IFT43: variants seen among roughly 807,000 people sequenced by gnomAD.
IFT43 encodes intraflagellar transport protein 43 homolog.
In IFT43, 33 loss-of-function variants were observed where a neutral mutation model predicts 32.3. The observed-to-expected ratio is 1.02, with a 90% CI of 0.77 to 1.37. The LOEUF (loss-of-function observed/expected upper bound fraction) is 1.37, where lower values mean the gene tolerates loss of function less well. IFT43 is among the 40% of genes most tolerant of loss of function. The pLI is 0.00. For synonymous variants in IFT43, 93 were observed against 98.2 expected (o/e 0.95, Z 0.31); for missense variants, 274 against 265.9 (o/e 1.03, Z -0.21).
In IFT43 at chr14:76,001,141, A is replaced by G. The variant is rs2035877451; in HGVS notation, c.147+12164A>G. 1.3e-5 allele frequency among the ~76,000 whole-genome samples: 2 copies of G among 152,236 alleles called. 1 individual carries two copies. The highest frequency in any genetic ancestry group is 1.3e-4 in the Admixed American group (2 of 15,284). Reference sequence around the variant, plus strand: ...AGAGAAGCAGTATGATTGGATTTGCATCTTAGAAAGAACACTTTGGCAACA... The same window carrying G: ...AGAGAAGCAGTATGATTGGATTTGCGTCTTAGAAAGAACACTTTGGCAACA... On this transcript the variant is annotated intron_variant, in intron 2 of 8. Transcript: ENST00000314067.
chr14:76,084,062 C>T (rs748951827), downstream of IFT43: 7 of 444,234 alleles, frequency 1.6e-5, no homozygotes, highest in East Asian at 7.0e-5. Flanking sequence ...GAGGAGGCGG[C>T]GGGAGGGATA....
chr14:76,055,154 G>A (rs2140042606), intron 3 of IFT43, among the ~76,000 whole-genome samples: 1 of 152,186 alleles, frequency 6.6e-6, no homozygotes, highest in Middle Eastern at 3.4e-3. Flanking sequence ...GAACAGCCTG[G>A]ACAATACAGT....
At chr14:76,040,088 G>A (rs1842149037) in intron 3 of IFT43, among the ~76,000 whole-genome samples, 1 of 152,158 alleles carries the variant, frequency 6.6e-6, no homozygotes, top group Admixed American at 6.5e-5. Context: ...GAGTAGCTGG[G>A]ACTGCAGGTG....
At chr14:76,076,607 A>G (rs767584943) in intron 5 of IFT43, 12 of 1,614,070 alleles carry the variant, frequency 7.4e-6, no homozygotes, top group Admixed American at 1.7e-5. Context: ...CGGTACCCAA[A>G]CAGGCAAACA....
chr14:76,075,857 C>A (rs1194590465), intron 5 of IFT43, among the ~76,000 whole-genome samples: 1 of 152,216 alleles, frequency 6.6e-6, no homozygotes, highest in Non-Finnish European at 1.5e-5. Context: ...TTCAGTAAAA[C>A]AAAGTTTTGT....
chr14:75,985,825 C>T lies in IFT43; in HGVS notation c.39C>T (p.Tyr13=), dbSNP rs748356153. Residue 13 remains tyrosine (Y), a synonymous_variant, in exon 1 of 9, where the codon TAC becomes TAT. Coordinates refer to ENST00000314067, the MANE Select transcript of IFT43 (RefSeq NM_001102564.3). ...TCGACTTGGACGAGGAGCTTCGCTA[C>T]AGCTTGGCTACCTCCGTGAGGACCA... is the stretch of plus-strand genomic sequence containing the variant. ...DLLDLDEELR[Y]SLATSRAKMG... 10 of 1,614,040 alleles carry T rather than the reference C, an allele frequency of 6.2e-6. No homozygotes were observed. Among genetic ancestry groups the T allele is most frequent in the East Asian group, 4.5e-5 (2 of 44,886 alleles).
At chr14:76,054,108 A>C (rs1294434531) in intron 3 of IFT43, among the ~76,000 whole-genome samples, 2 of 152,218 alleles carry the variant, frequency 1.3e-5, no homozygotes, top group African/African-American at 2.4e-5. Context: ...CTCAAGGCTT[A>C]GGGCAGGGAG....
At chr14:75,999,246 TA>T (rs1566699214) in intron 2 of IFT43, among the ~76,000 whole-genome samples, 6 of 10,378 alleles carry the variant, frequency 5.8e-4, no homozygotes, top group South Asian at 4.7e-3. Context: ...TATATATATA[TA>T]TATATATATA....
chr14:76,047,790 T>A (rs1162211410), intron 3 of IFT43, among the ~76,000 whole-genome samples: 1 of 151,314 alleles, frequency 6.6e-6, no homozygotes, highest in East Asian at 1.9e-4. Context: ...CTGTCTTGAT[T>A]GAGATTTTTA....
intron 5 of IFT43, among the ~76,000 whole-genome samples, chr14:76,075,506 A>G (rs1016717758): frequency 6.6e-6 from 1 of 152,198 alleles, no homozygotes; most frequent in Non-Finnish European, 1.5e-5. Flanking sequence ...TTGACTTAGA[A>G]AAAAATTATT....
chr14:75,993,503 G>A (rs1259431273), intron 2 of IFT43, among the ~76,000 whole-genome samples: 1 of 152,182 alleles, frequency 6.6e-6, no homozygotes, highest in African/African-American at 2.4e-5. Context: ...ATTTCCGTCT[G>A]AATTGAAAAC....
At chr14:76,037,888 TA>T (rs2036631897) in intron 3 of IFT43, among the ~76,000 whole-genome samples, 1 of 152,210 alleles carries the variant, frequency 6.6e-6, no homozygotes, top group South Asian at 2.1e-4. Context: ...GGGCATTTCT[TA>T]CAGAGCTCTA....
At chr14:76,063,674 C>T (rs1421823366) in intron 5 of IFT43, among the ~76,000 whole-genome samples, 1 of 152,226 alleles carries the variant, frequency 6.6e-6, no homozygotes, top group Non-Finnish European at 1.5e-5. Context: ...AAGGGCAAGT[C>T]TAGTACCACA....
At chr14:76,000,066 C>T (rs2035853677) in intron 2 of IFT43, among the ~76,000 whole-genome samples, 3 of 152,206 alleles carry the variant, frequency 2.0e-5, no homozygotes, top group African/African-American at 7.2e-5. Flanking sequence ...TCCCAAACTT[C>T]AGGCGTTTCC....
chr14:76,021,417 A>G (rs1435309820), intron 2 of IFT43, among the ~76,000 whole-genome samples: 2 of 152,210 alleles, frequency 1.3e-5, no homozygotes, highest in African/African-American at 4.8e-5. Context: ...ATTGCCTATA[A>G]TGGAGTCCCC....
At chr14:76,010,700 C>T (rs1328946838) in intron 2 of IFT43, among the ~76,000 whole-genome samples, 1 of 151,926 alleles carries the variant, frequency 6.6e-6, no homozygotes, top group Non-Finnish European at 1.5e-5. Context: ...AGATATTTTC[C>T]TAGAAAGCCA....
Position 76,018,242 on chromosome 14 carries a change from T to C in IFT43, c.148-4085T>C, listed in dbSNP as rs540450101. 6.6e-3 allele frequency among the ~76,000 whole-genome samples: 1,007 copies of C among 152,142 alleles called. 9 individuals carry two copies. The highest frequency in any genetic ancestry group is 0.02 in the South Asian group (98 of 4,812). ...GCTGTATCCCATAGGTTTTTGTATGTTGTGTTTCTGTTTTCATTTGTTTCA... is the reference window on the plus strand; with the variant it reads ...GCTGTATCCCATAGGTTTTTGTATGCTGTGTTTCTGTTTTCATTTGTTTCA... On this transcript the variant is annotated intron_variant, in intron 2 of 8. Transcript: ENST00000314067.
chr14:75,995,058 C>T (rs1053812255), intron 2 of IFT43, among the ~76,000 whole-genome samples: 1 of 152,172 alleles, frequency 6.6e-6, no homozygotes, highest in Non-Finnish European at 1.5e-5. Context: ...TACATTGCAA[C>T]AGTTGCTAGC....
intron 3 of IFT43, among the ~76,000 whole-genome samples, chr14:76,039,114 T>C (rs1335950378): frequency 6.6e-6 from 1 of 151,870 alleles, no homozygotes; most frequent in Admixed American, 6.6e-5. Context: ...AACCCCTTTT[T>C]GTAATGGTAT....
Sources: gnomAD v4.1 joint callset for allele counts (sites outside exome capture counted in the v4.1 genomes callset) on GRCh38, gnomAD v4.1.1 for gene constraint, MANE v1.5 for transcripts, NCBI Gene and HGNC (gene_info 2026-07-23, HGNC 2026-07-21) for gene names.